SLC66A1: variants seen among roughly 807,000 people sequenced by gnomAD.
The protein encoded by SLC66A1 is lysosomal amino acid transporter 1 homolog.
Under a neutral mutation model 33.0 loss-of-function variants are expected in SLC66A1, and 23 were observed. The observed-to-expected ratio is 0.70, with a 90% CI of 0.50 to 0.99. The LOEUF is 0.99. SLC66A1 is among the 50% of genes least tolerant of loss of function. The pLI is 0.00. For missense variants in SLC66A1, 335 were observed against 383.6 expected, an observed-to-expected ratio of 0.87 and a Z score of 1.06; for synonymous variants, 164 against 175.5, an observed-to-expected ratio of 0.93 and a Z score of 0.52.
In SLC66A1 at chr1:19,327,539, C is replaced by CCCTCCCTG. The variant is rs1558154213; in HGVS notation, c.804+134_804+135insGCCTCCCT. The CCCTCCCTG allele has an allele frequency of 6.1e-6, 6 of 980,800 alleles. No homozygotes were observed. In the African/African-American group the frequency reaches 1.0e-4, roughly 17 times the overall value. 60.8% of individuals were successfully genotyped at this position (980,800 alleles called of 1,614,324 possible). On this transcript the variant is annotated intron_variant, in intron 7 of 7. Transcript: ENST00000375153. ...TCCGTCCATCCATCCATCCCTCCCT[C>CCCTCCCTG]CCTCCCTCCCTCCCTCCATCTGTTC...
Position 19,325,134 on chromosome 1 carries a change from C to T in SLC66A1, c.295-361C>T, listed in dbSNP as rs567893993. The stretch of plus-strand genomic sequence containing the variant: ...CCTGTGGGCAGGCAGAGCTGGGGCT[C>T]CCAATCAGGAAGGCATTGTCTTCCC... On this transcript the variant is annotated intron_variant, in intron 3 of 7. Coordinates refer to ENST00000375153, the MANE Select transcript of SLC66A1 (RefSeq NM_001040125.2). Among the ~76,000 whole-genome samples, 3 of 152,318 alleles carry T rather than the reference C, an allele frequency of 2.0e-5. No individual in the cohort carries two copies. In the South Asian group the frequency reaches 6.2e-4, roughly 32 times the overall value.
chr1:19,331,086 A>T (rs528421204), downstream of SLC66A1, among the ~76,000 whole-genome samples: 1 of 152,096 alleles, frequency 6.6e-6, no homozygotes, highest in Non-Finnish European at 1.5e-5. Context: ...ATCTCAGCTC[A>T]CTGCAACCTC....
chr1:19,313,172 AC>A, intron 1 of SLC66A1: 1 of 985,174 alleles, frequency 1.0e-6, no homozygotes, highest in Non-Finnish European at 1.2e-6. Context: ...GATGAGAACT[AC>A]GAAGCTCAAT....
chr1:19,316,353 T>TTGTG (rs36226389), intron 1 of SLC66A1, among the ~76,000 whole-genome samples: 7,144 of 144,750 alleles, frequency 0.049, 172 homozygotes, highest in Middle Eastern at 0.074. Flanking sequence ...TCTTTATGGT[T>TTGTG]TGTGTGTGTG....
chr1:19,325,635 T>C, intron 4 of SLC66A1, 53 bp downstream of exon 4: 12 of 529,488 alleles, frequency 2.3e-5, no homozygotes, highest in Non-Finnish European at 2.7e-5. Context: ...CAGGGGGCAG[T>C]TGTGGGGGGG....
intron 2 of SLC66A1, among the ~76,000 whole-genome samples, chr1:19,318,797 A>T (rs2093818865): frequency 1.3e-5 from 2 of 152,134 alleles, no homozygotes. Flanking sequence ...AAAAAAAAAA[A>T]AAAAATTAAA....
At position 19,328,760 on chromosome 1, in the gene SLC66A1, C is replaced by A; in HGVS notation, c.*117C>A. Reference sequence around the variant, plus strand: ...ATCAGCCTGCGGGTGGCCTCTGGATCCTCCGTGGACCGAACCGTCCCCCCA... The same window carrying A: ...ATCAGCCTGCGGGTGGCCTCTGGATACTCCGTGGACCGAACCGTCCCCCCA... On this transcript the variant is annotated 3_prime_UTR_variant, in exon 8 of 8. Transcript: ENST00000375153. The surrounding 1 kb of genome is among the most constrained non-coding windows in gnomAD (Gnocchi z 4.7). 1 of 1,090,770 alleles carries A rather than the reference C, an allele frequency of 9.2e-7. No homozygotes were observed. Among genetic ancestry groups the A allele is most frequent in the Non-Finnish European group, 1.3e-6 (1 of 751,536 alleles). 67.6% of individuals were successfully genotyped at this position (1,090,770 alleles called of 1,614,324 possible).
chr1:19,320,822 C>T (rs892013361), intron 2 of SLC66A1, among the ~76,000 whole-genome samples: 1 of 149,818 alleles, frequency 6.7e-6, no homozygotes, highest in African/African-American at 2.5e-5. Context: ...AAGCGATTCT[C>T]CTGCCTCAGC....
In SLC66A1 at chr1:19,326,529, A is replaced by T; in HGVS notation, c.526-2A>T. The T allele has an allele frequency of 6.2e-7, 1 of 1,614,182 alleles. No individual in the cohort carries two copies. The highest frequency in any genetic ancestry group is 8.5e-7 in the Non-Finnish European group (1 of 1,180,022). On this transcript the variant is annotated splice_acceptor_variant, in intron 5 of 7. Transcript: ENST00000375153. LOFTEE classifies it high-confidence loss of function. ...CACCAAGTGCCCCCTTCTGCCCCAC[A>T]GCCCTTCACCCGGCAGGAAGTCATT...
At chr1:19,321,006 C>T (rs192953808) in intron 2 of SLC66A1, among the ~76,000 whole-genome samples, 2 of 150,014 alleles carry the variant, frequency 1.3e-5, no homozygotes, top group East Asian at 3.9e-4. Flanking sequence ...AACCACCCTG[C>T]TCGGCCGTCT....
chr1:19,327,304 G>A lies in SLC66A1; in HGVS notation c.696G>A (p.Leu232=). 6.2e-7 allele frequency: 1 copy of A among 1,613,818 alleles called. No individual in the cohort carries two copies. Among genetic ancestry groups the A allele is most frequent in the Non-Finnish European group, 8.5e-7 (1 of 1,179,852 alleles). ...TGCTGGGGAACACGCTGTATGGGCTGAGCGTGCTGCTCAAAAACCCCGAGG... is the reference window on the plus strand; with the variant it reads ...TGCTGGGGAACACGCTGTATGGGCTAAGCGTGCTGCTCAAAAACCCCGAGG... ...LVMLGNTLYG[L]SVLLKNPEEG... is the part of the protein sequence containing the mutation. The change falls in exon 7 of 8, where the codon CTG becomes CTA. Residue 232 remains leucine (L), a synonymous_variant. Coordinates refer to ENST00000375153, the MANE Select transcript of SLC66A1 (RefSeq NM_001040125.2).
rs561441036 is a variant in SLC66A1 at position 19,325,438 on chromosome 1, G to A, written c.295-57G>A. 62 of 1,249,620 alleles carry A rather than the reference G, an allele frequency of 5.0e-5. 2 individuals carry two copies. In the South Asian group the frequency reaches 6.7e-4, roughly 13 times the overall value. 77.4% of individuals were successfully genotyped at this position (1,249,620 alleles called of 1,614,324 possible). ...TGGGATATGACAGAGGGCTGCCGGGGCGTGGTCTCAGATCCTGGGACTGCG... is the reference window on the plus strand; with the variant it reads ...TGGGATATGACAGAGGGCTGCCGGGACGTGGTCTCAGATCCTGGGACTGCG... On this transcript the variant is annotated intron_variant, in intron 3 of 7. Coordinates refer to ENST00000375153, the MANE Select transcript of SLC66A1 (RefSeq NM_001040125.2).
In SLC66A1 at chr1:19,321,169, C is replaced by CTTTTTTTTTTTTTT. The variant is rs71577887; in HGVS notation, c.164+3337_164+3350dup. Among the ~76,000 whole-genome samples the CTTTTTTTTTTTTTT allele has an allele frequency of 2.1e-4, 17 of 82,114 alleles. 1 individual carries two copies. The highest frequency in any genetic ancestry group is 5.0e-4 in the South Asian group (1 of 2,006). The allele number at this position is 82,114 out of a possible 152,430, so 53.9% of individuals were successfully genotyped here. ...TAACAAAGATTTATCCTTATCTCTT[C>CTTTTTTTTTTTTTT]TTTTTTTTTTTTTTTTTTTTTTGAG... On this transcript the variant is annotated intron_variant, in intron 2 of 7. Transcript: ENST00000375153.
Position 19,328,725 on chromosome 1 carries a change from G to A in SLC66A1, c.*82G>A. The A allele has an allele frequency of 1.4e-6, 2 of 1,471,428 alleles. No individual in the cohort carries two copies. Among genetic ancestry groups the A allele is most frequent in the Non-Finnish European group, 1.9e-6 (2 of 1,072,910 alleles). 91.1% of individuals were successfully genotyped at this position (1,471,428 alleles called of 1,614,324 possible). A position where few individuals can be genotyped will look rare whatever the true frequency, so the allele number is the denominator to read the frequency against. On this transcript the variant is annotated 3_prime_UTR_variant, in exon 8 of 8. Transcript: ENST00000375153. This position sits in a 1 kb window ranked among gnomAD's most constrained non-coding sequence, Gnocchi z 4.7. ...AGGAGGTGTGGACAGTGATGGTACGGCGGCCCTGCATCAGCCTGCGGGTGG... is the reference window on the plus strand; with the variant it reads ...AGGAGGTGTGGACAGTGATGGTACGACGGCCCTGCATCAGCCTGCGGGTGG...
At chr1:19,314,112 A>T (rs1024311483) in intron 1 of SLC66A1, among the ~76,000 whole-genome samples, 6 of 152,166 alleles carry the variant, frequency 3.9e-5, no homozygotes, top group Non-Finnish European at 7.3e-5. Flanking sequence ...GAGCTGTTTG[A>T]ACAGGATGTG....
chr1:19,328,493 G>A lies in SLC66A1; in HGVS notation c.805-79G>A. ...GTGGGAGGGAGGGGAGAGGGAGGCAGCTCCCAGGAGTCGAAGGCCCCCAGG... is the reference window on the plus strand; with the variant it reads ...GTGGGAGGGAGGGGAGAGGGAGGCAACTCCCAGGAGTCGAAGGCCCCCAGG... On this transcript the variant is annotated intron_variant, in intron 7 of 7. Transcript: ENST00000375153. The surrounding 1 kb of genome is among the most constrained non-coding windows in gnomAD (Gnocchi z 4.7). 1 of 1,340,098 alleles carries A rather than the reference G, an allele frequency of 7.5e-7. No homozygotes were observed. Among genetic ancestry groups the A allele is most frequent in the Non-Finnish European group, 1.0e-6 (1 of 957,574 alleles). The allele number at this position is 1,340,098 out of a possible 1,614,324, so 83.0% of individuals were successfully genotyped here. A position where few individuals can be genotyped will look rare whatever the true frequency, so the allele number is the denominator to read the frequency against.
intron 1 of SLC66A1, among the ~76,000 whole-genome samples, chr1:19,314,970 C>G (rs899103399): frequency 6.6e-6 from 1 of 152,048 alleles, no homozygotes; most frequent in African/African-American, 2.4e-5. Flanking sequence ...TGCAATGGCG[C>G]GATCTCAGCT....
chr1:19,331,078 C>T (rs1001430471), downstream of SLC66A1, among the ~76,000 whole-genome samples: 1 of 152,194 alleles, frequency 6.6e-6, no homozygotes, highest in Non-Finnish European at 1.5e-5. Context: ...ATGGTGCGAT[C>T]TCAGCTCACT....
intron 2 of SLC66A1, among the ~76,000 whole-genome samples, chr1:19,320,028 C>T (rs2093826512): frequency 6.6e-6 from 1 of 151,132 alleles, no homozygotes; most frequent in Non-Finnish European, 1.5e-5. Flanking sequence ...TCCCGAGTAG[C>T]TGGGAATACA....
Sources: gnomAD v4.1 joint callset for allele counts (sites outside exome capture counted in the v4.1 genomes callset) on GRCh38, gnomAD v4.1.1 for gene constraint, Gnocchi (gnomAD v3.1) non-coding constraint, MANE v1.5 for transcripts, NCBI Gene and HGNC (gene_info 2026-07-23, HGNC 2026-07-21) for gene names.